Variants in EYS observed in about 807,000 individuals in gnomAD.
EYS encodes EGF-like photoreceptor maintenance factor, also known as protein eyes shut homolog.
A neutral mutation model predicts 282.1 loss-of-function variants in EYS; 250 were observed. The observed-to-expected ratio is 0.89, with a 90% confidence interval of 0.80 to 0.98. The LOEUF (loss-of-function observed/expected upper bound fraction) is 0.98, where lower values mean the gene tolerates loss of function less well. EYS is among the 50% of genes least tolerant of loss of function. EYS has a pLI of 0.00. For synonymous variants in EYS, 1,355 were observed against 1,282.9 expected, an observed-to-expected ratio of 1.06 and a Z score of -1.20; for missense variants, 4,016 against 3,709.0, an observed-to-expected ratio of 1.08 and a Z score of -2.15.
At chr6:65,039,703 A>AT (rs1367222088) in intron 13 of EYS, among the ~76,000 whole-genome samples, 18 of 151,562 alleles carry the variant, frequency 1.2e-4, no homozygotes, top group Admixed American at 6.6e-4. Flanking sequence ...GGTTTTGCAG[A>AT]TTTTATAAAA....
intron 14 of EYS, among the ~76,000 whole-genome samples, chr6:64,966,174 G>A (rs1770088462): frequency 6.6e-6 from 1 of 152,016 alleles, no homozygotes; most frequent in Non-Finnish European, 1.5e-5. Context: ...TTTCTGAGTT[G>A]TTGCTTTATT....
chr6:64,565,876 C>A (rs1325926610), intron 26 of EYS, among the ~76,000 whole-genome samples: 3 of 149,600 alleles, frequency 2.0e-5, no homozygotes, highest in African/African-American at 7.4e-5. Flanking sequence ...ACATTATATA[C>A]CTTAAATAGA....
chr6:64,476,551 A>C (rs1776272099), intron 26 of EYS, among the ~76,000 whole-genome samples: 1 of 152,046 alleles, frequency 6.6e-6, no homozygotes, highest in Non-Finnish European at 1.5e-5. Context: ...TTTCTTTTTC[A>C]AAAAGCCTCT....
chr6:63,808,805 C>G (rs1770969041), intron 36 of EYS, among the ~76,000 whole-genome samples: 1 of 152,084 alleles, frequency 6.6e-6, no homozygotes, highest in Non-Finnish European at 1.5e-5. Flanking sequence ...GTGGTTAGGC[C>G]TGTGTGGGAA....
At chr6:63,740,233 T>C (rs894141026) in intron 41 of EYS, among the ~76,000 whole-genome samples, 6 of 152,074 alleles carry the variant, frequency 3.9e-5, no homozygotes, top group African/African-American at 1.2e-4. Context: ...GGTGATTGAG[T>C]CATGGGGGCA....
intron 26 of EYS, among the ~76,000 whole-genome samples, chr6:64,452,745 A>G (rs1222286053): frequency 6.6e-6 from 1 of 152,236 alleles, no homozygotes; most frequent in Non-Finnish European, 1.5e-5. Flanking sequence ...TCTGACAAAA[A>G]CAAGCAATGG....
chr6:64,504,964 G>A (rs528389142), intron 26 of EYS, among the ~76,000 whole-genome samples: 1 of 152,290 alleles, frequency 6.6e-6, no homozygotes, highest in South Asian at 2.1e-4. Context: ...TCAGATTTAT[G>A]AGATGAACTG....
At chr6:65,437,390 T>C (rs1001210674) in intron 5 of EYS, among the ~76,000 whole-genome samples, 1 of 152,126 alleles carries the variant, frequency 6.6e-6, no homozygotes. Flanking sequence ...TCTTAGATGA[T>C]AGTTGAAATA....
At chr6:65,184,711 C>A in intron 12 of EYS, among the ~76,000 whole-genome samples, 1 of 151,140 alleles carries the variant, frequency 6.6e-6, no homozygotes, top group Non-Finnish European at 1.5e-5. Flanking sequence ...AAAATAACAC[C>A]TAATGCTGTA....
chr6:65,185,892 A>G (rs1439738972), intron 12 of EYS, among the ~76,000 whole-genome samples: 1 of 151,758 alleles, frequency 6.6e-6, no homozygotes, highest in Non-Finnish European at 1.5e-5. Context: ...CAGTTTTACT[A>G]TGTCCATGAT....
At chr6:64,049,213 T>C (rs1310114358) in intron 33 of EYS, among the ~76,000 whole-genome samples, 6 of 152,198 alleles carry the variant, frequency 3.9e-5, no homozygotes, top group African/African-American at 1.2e-4. Context: ...GATTTCACAG[T>C]GTAAACAGTC....
At chr6:65,294,534 G>A (rs1436185401) in intron 12 of EYS, among the ~76,000 whole-genome samples, 1 of 151,686 alleles carries the variant, frequency 6.6e-6, no homozygotes, top group Non-Finnish European at 1.5e-5. Flanking sequence ...AAACTATATA[G>A]TTTATACACA....
chr6:65,455,706 A>C (rs1477532254), intron 5 of EYS, among the ~76,000 whole-genome samples: 2 of 152,120 alleles, frequency 1.3e-5, no homozygotes, highest in Admixed American at 1.3e-4. Flanking sequence ...ATTTTGTAGA[A>C]ATACAAAATC....
intron 24 of EYS, among the ~76,000 whole-genome samples, chr6:64,607,434 T>C (rs900617193): frequency 6.6e-6 from 1 of 152,212 alleles, no homozygotes; most frequent in Admixed American, 6.6e-5. Context: ...AGTTGAGGGA[T>C]GTTTAGTGTC....
In EYS at chr6:65,259,084, A is replaced by C. The variant is rs567204177; in HGVS notation, c.2023+36779T>G. 6.0e-4 allele frequency among the ~76,000 whole-genome samples: 91 copies of C among 152,214 alleles called. 1 individual carries two copies. Among genetic ancestry groups the C allele is most frequent in the African/African-American group, 2.1e-3 (89 of 41,548 alleles). On this transcript the variant is annotated intron_variant, in intron 12 of 42. Coordinates refer to ENST00000503581, the MANE Select transcript of EYS (RefSeq NM_001142800.2). ...CAGAAATTTAAATATTTTCATAAAG[A>C]TTTAAAATGACAAATCCTAGATGGT...
At chr6:64,458,411 T>G (rs575874457) in intron 26 of EYS, among the ~76,000 whole-genome samples, 1 of 152,220 alleles carries the variant, frequency 6.6e-6, no homozygotes, top group Admixed American at 6.5e-5. Flanking sequence ...TTATTTCTCC[T>G]TTATTTCTGA....
At chr6:65,482,457 T>C (rs1418222937) in intron 5 of EYS, among the ~76,000 whole-genome samples, 1 of 152,178 alleles carries the variant, frequency 6.6e-6, no homozygotes, top group Non-Finnish European at 1.5e-5. Context: ...GAGATTAATT[T>C]TCCAAACTCT....
At chr6:64,661,732 A>T (rs1769030939) in intron 22 of EYS, among the ~76,000 whole-genome samples, 1 of 141,074 alleles carries the variant, frequency 7.1e-6, no homozygotes, top group African/African-American at 2.7e-5. Flanking sequence ...GTCAGGAAAC[A>T]ACAGGTGCTG....
At chr6:63,755,880 A>T (rs1769467340) in intron 41 of EYS, among the ~76,000 whole-genome samples, 1 of 152,058 alleles carries the variant, frequency 6.6e-6, no homozygotes, top group African/African-American at 2.4e-5. Context: ...TAGGTATTTT[A>T]TTCTCTTTGC....
Sources: gnomAD v4.1 joint callset for allele counts (sites outside exome capture counted in the v4.1 genomes callset) on GRCh38, gnomAD v4.1.1 for gene constraint, MANE v1.5 for transcripts, NCBI Gene and HGNC (gene_info 2026-07-23, HGNC 2026-07-21) for gene names.